Variants in NR5A1 observed in about 807,000 individuals in gnomAD.
NR5A1 encodes nuclear receptor subfamily 5 group A member 1.
Under a neutral mutation model 42.7 loss-of-function variants are expected in NR5A1, and 6 were observed. The ratio of observed to expected loss-of-function variants is 0.14; its 90% CI spans 0.08 to 0.28. The LOEUF is 0.28. Ranked by LOEUF, NR5A1 falls within the 10% of genes least tolerant of loss-of-function variation. The pLI is 1.00. For synonymous variants in NR5A1, 274 were observed against 277.5 expected, an observed-to-expected ratio of 0.99 and a Z score of 0.12; for missense variants, 442 against 626.4, an observed-to-expected ratio of 0.71 and a Z score of 3.14.
At chr9:124,490,565 G>T (rs546718947) in intron 6 of NR5A1, among the ~76,000 whole-genome samples, 1 of 152,174 alleles carries the variant, frequency 6.6e-6, no homozygotes, top group African/African-American at 2.4e-5. Context: ...GCCTAATCGT[G>T]TTAGGAACCT....
intron 6 of NR5A1, among the ~76,000 whole-genome samples, chr9:124,483,750 C>T (rs369409601): frequency 6.6e-6 from 1 of 152,214 alleles, no homozygotes; most frequent in South Asian, 2.1e-4. Flanking sequence ...CCCACAGAGG[C>T]GCACTGTGGG....
intron 3 of NR5A1, among the ~76,000 whole-genome samples, chr9:124,502,654 G>A (rs899536331): frequency 1.3e-5 from 2 of 152,224 alleles, no homozygotes; most frequent in African/African-American, 4.8e-5. Flanking sequence ...TGGGAAATCT[G>A]CGGTTTAGAG....
intron 6 of NR5A1, 93 bp downstream of exon 6, chr9:124,490,988 G>T: frequency 6.7e-7 from 1 of 1,497,268 alleles, no homozygotes; most frequent in Non-Finnish European, 9.1e-7. Flanking sequence ...TGGCCACTCT[G>T]GCCACAGCAG....
intron 4 of NR5A1, among the ~76,000 whole-genome samples, chr9:124,497,455 G>A (rs933844734): frequency 2.0e-5 from 3 of 152,196 alleles, no homozygotes; most frequent in Admixed American, 6.5e-5. Flanking sequence ...TACCAGCTGG[G>A]AAAGAAGATG....
rs1832421975 is a variant in NR5A1, at chr9:124,498,655, G to T, written c.870+1435C>A. ...CATCCCCACCAGGGCCTCCAGCCAT[G>T]AGCAGAAGGCAGGTGGGAGTATTCA... is the stretch of plus-strand genomic sequence containing the variant. On this transcript the variant is annotated intron_variant, in intron 4 of 6. Coordinates refer to ENST00000373588, the MANE Select transcript of NR5A1 (RefSeq NM_004959.5). This position sits in a 1 kb window ranked among gnomAD's most constrained non-coding sequence, Gnocchi z 4.6. Among the ~76,000 whole-genome samples the T allele has an allele frequency of 6.6e-6, 1 of 152,228 alleles. No homozygotes were observed. Among genetic ancestry groups the T allele is most frequent in the Admixed American group, 6.5e-5 (1 of 15,290 alleles).
rs773032761 is a variant in NR5A1 at position 124,491,246 on chromosome 9, G to A, written c.991-18C>T. On this transcript the variant is annotated intron_variant, in intron 5 of 6. Transcript: ENST00000373588. The stretch of plus-strand genomic sequence containing the variant: ...AGCTCCACCTGGGGGCAGAGGGCAC[G>A]GGGCGGGGGACAGTCAGAGGACGTG... 5.6e-5 allele frequency: 88 copies of A among 1,584,960 alleles called. 1 individual carries two copies. The Admixed American group carries it at 7.5e-4, about 13-fold the overall frequency.
Position 124,493,243 on chromosome 9 carries a change from G to T in NR5A1, c.871-94C>A, listed in dbSNP as rs567168496. On this transcript the variant is annotated intron_variant, in intron 4 of 6. Coordinates refer to ENST00000373588, the MANE Select transcript of NR5A1 (RefSeq NM_004959.5). ...TCCTCCCACTGAGACCCAACTAGGC[G>T]TGCAGCCTGGGCAAGCTAACCTCTC... The T allele has an allele frequency of 1.3e-5, 20 of 1,485,996 alleles. No homozygotes were observed. The African/African-American group carries it at 1.5e-4, about 11-fold the overall frequency. 92.1% of individuals were successfully genotyped at this position (1,485,996 alleles called of 1,614,324 possible). A position where few individuals can be genotyped will look rare whatever the true frequency, so the allele number is the denominator to read the frequency against.
chr9:124,491,017 A>AACCCC, intron 6 of NR5A1, 64 bp downstream of exon 6: 23 of 457,436 alleles, frequency 5.0e-5, no homozygotes, highest in Non-Finnish European at 8.4e-5. Context: ...CTCCAGCCTC[A>AACCCC]CCCACCCTCC....
chr9:124,491,974 T>C (rs945352345), intron 5 of NR5A1, among the ~76,000 whole-genome samples: 22 of 151,868 alleles, frequency 1.4e-4, no homozygotes, highest in Non-Finnish European at 2.8e-4. Flanking sequence ...TCATGCAGAC[T>C]GCAGGCACCT....
chr9:124,481,559 CAG>C lies in NR5A1; in HGVS notation c.*1197_*1198del, dbSNP rs1364774150. ...GCAGAGTGTCCTTCATGACCTAGGACAGGGGGTCAGGGAGCTGAGGGCCAGCT... is the reference window on the plus strand; with the variant it reads ...GCAGAGTGTCCTTCATGACCTAGGACGGGGTCAGGGAGCTGAGGGCCAGCT... On this transcript the variant is annotated 3_prime_UTR_variant, in exon 7 of 7. Transcript: ENST00000373588. 3 of 152,488 alleles carry C rather than the reference CAG, an allele frequency of 2.0e-5. No individual in the cohort carries two copies. The highest frequency in any genetic ancestry group is 1.9e-4 in the East Asian group (1 of 5,186). The allele number at this position is 152,488 out of a possible 1,614,324, so 9.4% of individuals were successfully genotyped here. A position where few individuals can be genotyped will look rare whatever the true frequency, so the allele number is the denominator to read the frequency against.
intron 4 of NR5A1, among the ~76,000 whole-genome samples, chr9:124,497,147 C>T (rs544385605): frequency 1.2e-4 from 19 of 152,290 alleles, no homozygotes; most frequent in African/African-American, 4.3e-4. Flanking sequence ...AAGGGTGCTG[C>T]GACCCCACTT....
At chr9:124,499,234 C>CAA (rs1832430906) in intron 4 of NR5A1, among the ~76,000 whole-genome samples, 1 of 152,184 alleles carries the variant, frequency 6.6e-6, no homozygotes, top group African/African-American at 2.4e-5. Flanking sequence ...TCAGGCTCTT[C>CAA]AAGCCACTAG....
chr9:124,486,019 C>T (rs1832202240), intron 6 of NR5A1, among the ~76,000 whole-genome samples: 1 of 128,722 alleles, frequency 7.8e-6, no homozygotes, highest in African/African-American at 2.9e-5. Flanking sequence ...GGGGCAGGGG[C>T]GGGAGGGGGC....
In NR5A1 at chr9:124,498,574, G is replaced by A. The variant is rs1832420630; in HGVS notation, c.870+1516C>T. Among the ~76,000 whole-genome samples, 1 of 152,214 alleles carries A rather than the reference G, an allele frequency of 6.6e-6. No individual in the cohort carries two copies. The highest frequency in any genetic ancestry group is 2.4e-5 in the African/African-American group (1 of 41,456). On this transcript the variant is annotated intron_variant, in intron 4 of 6. Transcript: ENST00000373588. The surrounding 1 kb of genome is among the most constrained non-coding windows in gnomAD (Gnocchi z 4.6). ...TGCTCCTCCTCCCCTCTGCACGGGG[G>A]GTGCATGGGAAGTCTGGAGGGAAGC...
At chr9:124,504,033 AGAGAGAGAGAGAGAGAGAC>A (rs1432798877) in intron 1 of NR5A1, among the ~76,000 whole-genome samples, 1 of 132,340 alleles carries the variant, frequency 7.6e-6, no homozygotes, top group African/African-American at 4.1e-5. Flanking sequence ...ACAGAGAGAG[AGAGAGAGAGAGAGAGAGAC>A]GAGAGAGAGA....
At chr9:124,491,334 G>A (rs918417779) in intron 5 of NR5A1, 106 bp from the exon 6 acceptor site, 10 of 891,264 alleles carry the variant, frequency 1.1e-5, no homozygotes, top group Admixed American at 2.5e-5. Context: ...GGAGGTGCAG[G>A]TCAGATGGGC....
chr9:124,499,821 C>A (rs1243690802), intron 4 of NR5A1, among the ~76,000 whole-genome samples: 1 of 152,084 alleles, frequency 6.6e-6, no homozygotes. Context: ...GGGAGAGACA[C>A]AGTAGGAAGA....
intron 6 of NR5A1, among the ~76,000 whole-genome samples, chr9:124,486,805 C>A (rs1464987954): frequency 1.3e-5 from 2 of 152,204 alleles, no homozygotes; most frequent in African/African-American, 4.8e-5. Flanking sequence ...CCAGCAGACA[C>A]GGGAGCGGGG....
In NR5A1 at chr9:124,503,469, C is replaced by G; in HGVS notation, c.-15-59G>C. On this transcript the variant is annotated intron_variant, in intron 1 of 6. Coordinates refer to ENST00000373588, the MANE Select transcript of NR5A1 (RefSeq NM_004959.5). The surrounding 1 kb of genome is among the most constrained non-coding windows in gnomAD (Gnocchi z 9.6). Reference sequence around the variant, plus strand: ...GGAGACCGGCAGCCTGGGGTCCCCGCGGCCGCCGCCCCAGCCGCTGTCGCC... The same window carrying G: ...GGAGACCGGCAGCCTGGGGTCCCCGGGGCCGCCGCCCCAGCCGCTGTCGCC... 7.1e-7 allele frequency: 1 copy of G among 1,409,026 alleles called. No homozygotes were observed. Among genetic ancestry groups the G allele is most frequent in the Non-Finnish European group, 9.7e-7 (1 of 1,034,330 alleles). 87.3% of individuals were successfully genotyped at this position (1,409,026 alleles called of 1,614,324 possible).
Sources: gnomAD v4.1 joint callset for allele counts (sites outside exome capture counted in the v4.1 genomes callset) on GRCh38, gnomAD v4.1.1 for gene constraint, Gnocchi (gnomAD v3.1) non-coding constraint, MANE v1.5 for transcripts, NCBI Gene and HGNC (gene_info 2026-07-23, HGNC 2026-07-21) for gene names.